Variants in DAB1 observed in about 807,000 individuals in gnomAD.
DAB1 encodes disabled homolog 1.
Under a neutral mutation model 64.6 loss-of-function variants are expected in DAB1, and 15 were observed. The ratio of observed to expected loss-of-function variants is 0.23; its 90% CI spans 0.16 to 0.36. DAB1 has a LOEUF of 0.36. Ranked by LOEUF, DAB1 falls within the 10% of genes least tolerant of loss-of-function variation. The probability of loss-of-function intolerance (pLI) is 1.00; values close to 1 mark genes in which losing one functional copy is unlikely to be tolerated. For synonymous variants in DAB1, 235 were observed against 251.9 expected (o/e 0.93, Z 0.64); for missense variants, 596 against 706.7 (o/e 0.84, Z 1.78).
At chr1:57,130,620 C>G (rs1657571827) in intron 4 of DAB1, among the ~76,000 whole-genome samples, 1 of 151,310 alleles carries the variant, frequency 6.6e-6, no homozygotes, top group Admixed American at 6.6e-5. Flanking sequence ...ATGGACGAGC[C>G]TGGGGGATAT....
At chr1:58,181,635 G>T (rs1464440269) in intron 4 of DAB1, among the ~76,000 whole-genome samples, 1 of 151,952 alleles carries the variant, frequency 6.6e-6, no homozygotes, top group Non-Finnish European at 1.5e-5. Context: ...ATTTCAACAT[G>T]CACCTTAACT....
At chr1:58,173,505 C>A (rs774724889) in intron 4 of DAB1, among the ~76,000 whole-genome samples, 8 of 152,140 alleles carry the variant, frequency 5.3e-5, no homozygotes, top group Non-Finnish European at 8.8e-5. Context: ...CCTTCTCATC[C>A]CCTCTTTTAA....
intron 6 of DAB1, chr1:57,649,763 C>T (rs1190390588): frequency 6.6e-6 from 1 of 152,130 alleles, no homozygotes; most frequent in Non-Finnish European, 1.5e-5. Flanking sequence ...TTACTAACTT[C>T]CTCCCATACA....
At chr1:57,040,315 T>C (rs1363216620) in intron 9 of DAB1, among the ~76,000 whole-genome samples, 2 of 152,056 alleles carry the variant, frequency 1.3e-5, no homozygotes, top group Admixed American at 1.3e-4. Context: ...GAGATGATGA[T>C]ATAGCGCTCT....
intron 3 of DAB1, among the ~76,000 whole-genome samples, chr1:58,409,521 G>A (rs890978475): frequency 6.6e-6 from 1 of 152,184 alleles, no homozygotes; most frequent in Non-Finnish European, 1.5e-5. Flanking sequence ...GCTCTCTGTT[G>A]TTATATGCAT....
intron 7 of DAB1, among the ~76,000 whole-genome samples, chr1:57,430,908 G>GA (rs35725380): frequency 2.0e-5 from 3 of 146,564 alleles, no homozygotes; most frequent in Admixed American, 6.8e-5. Context: ...GGCAGAGAAA[G>GA]AAAAAAAAAA....
chr1:58,429,442 G>A (rs1344466254), intron 3 of DAB1, among the ~76,000 whole-genome samples: 1 of 152,240 alleles, frequency 6.6e-6, no homozygotes, highest in Non-Finnish European at 1.5e-5. Context: ...GAGCAGGACA[G>A]TCAGTGCAGT....
At chr1:58,040,330 T>C (rs1056502245) in intron 5 of DAB1, among the ~76,000 whole-genome samples, 1 of 152,210 alleles carries the variant, frequency 6.6e-6, no homozygotes, top group Admixed American at 6.5e-5. Flanking sequence ...AAGGATGTTG[T>C]GTTTCATGTC....
In DAB1 at chr1:57,900,377, G is replaced by A. The variant is rs1644456082; in HGVS notation, n.388-16215C>T. ...GCCTTCTTTATTTGAGAGAAAGCAG[G>A]AATTGCCTGACCACTTTGGGGAAAT... On this transcript the variant is annotated intron_variant and non_coding_transcript_variant, in intron 5 of 20. Coordinates refer to the DAB1 transcript ENST00000485760. Among the ~76,000 whole-genome samples the A allele has an allele frequency of 2.0e-5, 3 of 152,136 alleles. No individual in the cohort carries two copies. In the South Asian group the frequency reaches 6.2e-4, roughly 32 times the overall value.
chr1:57,100,744 C>CT (rs1654595613), intron 4 of DAB1, among the ~76,000 whole-genome samples: 1 of 129,136 alleles, frequency 7.7e-6, no homozygotes, highest in Non-Finnish European at 1.6e-5. Flanking sequence ...TGACTGGGAG[C>CT]TCGCCAAGCT....
intron 5 of DAB1, among the ~76,000 whole-genome samples, chr1:58,143,313 T>C (rs557194337): frequency 6.6e-6 from 1 of 152,224 alleles, no homozygotes; most frequent in African/African-American, 2.4e-5. Context: ...ACCCACTCAA[T>C]AATGGAGATG....
rs539394675 is a variant in DAB1 at position 58,045,196 on chromosome 1, C to A, written n.387+105315G>T. Among the ~76,000 whole-genome samples, 9 of 152,324 alleles carry A rather than the reference C, an allele frequency of 5.9e-5. No homozygotes were observed. The South Asian group carries it at 1.2e-3, about 21-fold the overall frequency. ...TCCTGCAGGCCGGCCGACAGCACTG[C>A]AAGGACAGCAGGTTGGTCAGGGCTG... On this transcript the variant is annotated intron_variant and non_coding_transcript_variant, in intron 5 of 20. Coordinates refer to the DAB1 transcript ENST00000485760.
At chr1:57,219,989 T>C (rs1236536212) in intron 2 of DAB1, among the ~76,000 whole-genome samples, 1 of 152,172 alleles carries the variant, frequency 6.6e-6, no homozygotes, top group Admixed American at 6.5e-5. Flanking sequence ...TATACAGCAG[T>C]AGCTAACTAA....
intron 5 of DAB1, among the ~76,000 whole-genome samples, chr1:57,941,392 T>G (rs1431877474): frequency 6.6e-6 from 1 of 152,218 alleles, no homozygotes; most frequent in Admixed American, 6.5e-5. Flanking sequence ...TCTTTGGACT[T>G]CTGTTTTCTG....
At chr1:58,444,538 G>A (rs534348368) in intron 3 of DAB1, among the ~76,000 whole-genome samples, 4 of 152,072 alleles carry the variant, frequency 2.6e-5, no homozygotes, top group South Asian at 2.1e-4. Context: ...CAGCAGCTGA[G>A]GAGTGTGTCC....
intron 4 of DAB1, among the ~76,000 whole-genome samples, chr1:58,296,661 C>T (rs1314412147): frequency 6.6e-6 from 1 of 152,150 alleles, no homozygotes; most frequent in Non-Finnish European, 1.5e-5. Flanking sequence ...CCTTCTAGCT[C>T]ATTTCTTCTC....
At chr1:57,836,203 G>T (rs1652800659) in intron 1 of DAB1, among the ~76,000 whole-genome samples, 1 of 152,124 alleles carries the variant, frequency 6.6e-6, no homozygotes, top group Non-Finnish European at 1.5e-5. Context: ...AAATTATTAT[G>T]ATCCCTATAA....
intron 3 of DAB1, among the ~76,000 whole-genome samples, chr1:58,412,518 C>T (rs1224257674): frequency 6.6e-6 from 1 of 152,296 alleles, no homozygotes; most frequent in Non-Finnish European, 1.5e-5. Flanking sequence ...CAAAGGCCTC[C>T]GCCCGCCCAC....
At chr1:58,177,842 A>G (rs1232740910) in intron 4 of DAB1, among the ~76,000 whole-genome samples, 1 of 152,242 alleles carries the variant, frequency 6.6e-6, no homozygotes, top group Non-Finnish European at 1.5e-5. Flanking sequence ...TGACCCAAGA[A>G]TTAAATAAAA....
Sources: gnomAD v4.1 joint callset for allele counts (sites outside exome capture counted in the v4.1 genomes callset) on GRCh38, gnomAD v4.1.1 for gene constraint, MANE v1.5 for transcripts, NCBI Gene and HGNC (gene_info 2026-07-23, HGNC 2026-07-21) for gene names.